The following FNIP1 variants were observed in gnomAD, a reference collection of about 807,000 sequenced individuals.
FNIP1 encodes the protein folliculin interacting protein 1.
A neutral mutation model predicts 124.5 loss-of-function variants in FNIP1; 40 were observed. The observed-to-expected ratio is 0.32, with a 90% CI of 0.25 to 0.42. The LOEUF (loss-of-function observed/expected upper bound fraction) is 0.42, where lower values mean the gene tolerates loss of function less well. Among genes scored for constraint, FNIP1 ranks in the 10% least tolerant of loss-of-function variants. FNIP1 has a pLI of 1.00. For synonymous variants in FNIP1, 472 were observed against 470.6 expected, an observed-to-expected ratio of 1.00 and a Z score of -0.04; for missense variants, 1,176 against 1,403.7, an observed-to-expected ratio of 0.84 and a Z score of 2.59.
intron 2 of FNIP1, among the ~76,000 whole-genome samples, chr5:131,740,024 T>C (rs1231761792): frequency 6.6e-6 from 1 of 152,102 alleles, no homozygotes; most frequent in Non-Finnish European, 1.5e-5. Flanking sequence ...AGGATAACAT[T>C]GTTTCTGTGA....
intron 1 of FNIP1, among the ~76,000 whole-genome samples, chr5:131,755,113 A>T (rs574534637): frequency 8.2e-4 from 125 of 152,260 alleles, no homozygotes; most frequent in African/African-American, 2.8e-3. Flanking sequence ...AAAGATGTGC[A>T]ACCGATTGAT....
intron 15 of FNIP1, among the ~76,000 whole-genome samples, chr5:131,657,638 C>G (rs564111506): frequency 7.1e-6 from 1 of 140,870 alleles, no homozygotes; most frequent in East Asian, 2.2e-4. Context: ...AAGCCTGAAA[C>G]AATAACTTCC....
intron 10 of FNIP1, among the ~76,000 whole-genome samples, chr5:131,701,025 C>A (rs1350336729): frequency 6.6e-6 from 1 of 152,180 alleles, no homozygotes; most frequent in African/African-American, 2.4e-5. Context: ...GACCAGTACC[C>A]GTCAGTGGCC....
Position 131,754,692 on chromosome 5 carries a change from G to C in FNIP1, c.93-10002C>G, listed in dbSNP as rs148437900. ...GCTATGAAGGCAGGCTGGAGCATCA[G>C]ATCAACAGACATAACCAGTTCAACA... On this transcript the variant is annotated intron_variant, in intron 1 of 17. Coordinates refer to ENST00000510461, the MANE Select transcript of FNIP1 (RefSeq NM_133372.3). Among the ~76,000 whole-genome samples the C allele has an allele frequency of 1.3e-3, 201 of 152,336 alleles. 1 individual carries two copies. The highest frequency in any genetic ancestry group is 4.5e-3 in the African/African-American group (189 of 41,576).
intron 2 of FNIP1, 81 bp downstream of exon 2, chr5:131,744,483 C>A: frequency 7.4e-7 from 1 of 1,359,120 alleles, no homozygotes; most frequent in Admixed American, 2.1e-5. Context: ...TCTCCCTCAG[C>A]CCCAATTATC....
intron 15 of FNIP1, among the ~76,000 whole-genome samples, chr5:131,657,651 C>G (rs1767237070): frequency 7.1e-6 from 1 of 141,346 alleles, no homozygotes; most frequent in African/African-American, 2.6e-5. Context: ...TAACTTCCAG[C>G]TGGAGAAAAC....
At chr5:131,661,614 C>G in intron 15 of FNIP1, among the ~76,000 whole-genome samples, 1 of 152,164 alleles carries the variant, frequency 6.6e-6, no homozygotes, top group Non-Finnish European at 1.5e-5. Context: ...CCCTCGCTCC[C>G]CCACACAGCC....
At chr5:131,657,073 A>G (rs1399580544) in intron 15 of FNIP1, among the ~76,000 whole-genome samples, 1 of 135,546 alleles carries the variant, frequency 7.4e-6, no homozygotes, top group Non-Finnish European at 1.5e-5. Context: ...TTGCCCAGAC[A>G]GCTCACTGCA....
chr5:131,718,405 T>C (rs1022560115), intron 5 of FNIP1, among the ~76,000 whole-genome samples: 2 of 152,194 alleles, frequency 1.3e-5, no homozygotes, highest in Admixed American at 6.5e-5. Context: ...TGCTCTGATA[T>C]GGCACCTGCA....
chr5:131,699,831 G>A (rs894211570), intron 10 of FNIP1, among the ~76,000 whole-genome samples: 8 of 140,536 alleles, frequency 5.7e-5, no homozygotes, highest in Non-Finnish European at 1.2e-4. Flanking sequence ...CATGAGAATC[G>A]CTTGAACCCA....
chr5:131,709,607 G>T (rs950502075), intron 7 of FNIP1, among the ~76,000 whole-genome samples: 3 of 152,126 alleles, frequency 2.0e-5, no homozygotes, highest in African/African-American at 4.8e-5. Context: ...ATGAGTGCTT[G>T]CTGGGACCAA....
rs199669129 is a variant in FNIP1 at position 131,744,565 on chromosome 5, G to A, written c.218C>T (p.Ser73Leu). 1.5e-5 allele frequency: 24 copies of A among 1,586,166 alleles called. No homozygotes were observed. Among genetic ancestry groups the A allele is most frequent in the South Asian group, 1.3e-4 (11 of 86,444 alleles). The change falls in exon 2 of 18, where the codon TCG (serine) becomes TTG (leucine). Residue 73 changes from serine (S) to leucine (L), a missense_variant and splice_region_variant. Physicochemically the swap from Ser to Leu is moderately radical, Grantham distance 145. Around this residue, in one of 2 missense-constraint regions of FNIP1, gnomAD observed 1,109 missense variants for 1,288.5 expected, o/e 0.86. Transcript: ENST00000510461. ...VKRRNEDISV[S>L]KLGSDAQVKV... ...AACCAAATCAATAATGATGCTCACC[G>A]ATACTGATATGTCCTCATTTCTTCT...
intron 6 of FNIP1, among the ~76,000 whole-genome samples, chr5:131,714,198 G>T (rs1453820802): frequency 6.6e-6 from 1 of 152,150 alleles, no homozygotes; most frequent in Non-Finnish European, 1.5e-5. Flanking sequence ...AACCAACTTT[G>T]ACTCAAATAC....
rs140421058 is a variant in FNIP1, at chr5:131,715,443, G to A, written c.622+1122C>T. ...AGAGGTTGCAGTGAGCTAAGATCAC[G>A]CCACTGCACTCCAGCCTGGGTGACA... On this transcript the variant is annotated intron_variant, in intron 6 of 17. Coordinates refer to ENST00000510461, the MANE Select transcript of FNIP1 (RefSeq NM_133372.3). Among the ~76,000 whole-genome samples, 511 of 152,150 alleles carry A rather than the reference G, an allele frequency of 3.4e-3. 6 individuals carry two copies. The highest frequency in any genetic ancestry group is 0.012 in the African/African-American group (486 of 41,516).
intron 5 of FNIP1, among the ~76,000 whole-genome samples, chr5:131,717,438 A>G (rs1769507792): frequency 6.6e-6 from 1 of 152,136 alleles, no homozygotes; most frequent in Non-Finnish European, 1.5e-5. Context: ...AATATTTACT[A>G]TCTGGATCTT....
Position 131,668,212 on chromosome 5 carries a change from T to G in FNIP1, c.3108+2251A>C, listed in dbSNP as rs530965820. On this transcript the variant is annotated intron_variant, in intron 15 of 17. Coordinates refer to ENST00000510461, the MANE Select transcript of FNIP1 (RefSeq NM_133372.3). The stretch of plus-strand genomic sequence containing the variant: ...ATAAATTTACAAGAGGTGAACAAAG[T>G]AGGTTCTCCAACCATAATGGAATTA... 2.0e-5 allele frequency among the ~76,000 whole-genome samples: 3 copies of G among 152,330 alleles called. No individual in the cohort carries two copies. The East Asian group carries it at 5.8e-4, about 29-fold the overall frequency.
chr5:131,753,261 C>A (rs1195430791), intron 1 of FNIP1, among the ~76,000 whole-genome samples: 2 of 152,168 alleles, frequency 1.3e-5, no homozygotes, highest in African/African-American at 4.8e-5. Flanking sequence ...TATGATTCAG[C>A]AATTCCTCTC....
chr5:131,790,372 G>A (rs1055768275), intron 1 of FNIP1, among the ~76,000 whole-genome samples: 16 of 151,310 alleles, frequency 1.1e-4, no homozygotes, highest in Non-Finnish European at 1.8e-4. Context: ...CCAGCTATTC[G>A]GGAGGCTGAG....
chr5:131,694,502 T>C lies in FNIP1; in HGVS notation c.1202+4415A>G, dbSNP rs1424659990. On this transcript the variant is annotated intron_variant, in intron 11 of 17. Transcript: ENST00000510461. ...AAGAAGCCAGTCTGAAAAGTCCACATAGCATATGATTTCAAGCATACAACA... is the reference window on the plus strand; with the variant it reads ...AAGAAGCCAGTCTGAAAAGTCCACACAGCATATGATTTCAAGCATACAACA... Among the ~76,000 whole-genome samples, 4 of 152,010 alleles carry C rather than the reference T, an allele frequency of 2.6e-5. No individual in the cohort carries two copies. In the East Asian group the frequency reaches 5.8e-4, roughly 22 times the overall value.
Sources: allele counts gnomAD v4.1 joint callset (sites outside exome capture counted in the v4.1 genomes callset), GRCh38; gene constraint gnomAD v4.1.1; regional missense constraint gnomAD v4.1.1; transcripts MANE v1.5; gene names NCBI Gene and HGNC (gene_info 2026-07-23, HGNC 2026-07-21).